Variants in DPYD observed in about 807,000 individuals in gnomAD.
DPYD encodes the protein dihydropyrimidine dehydrogenase.
A neutral mutation model predicts 116.2 loss-of-function variants in DPYD; 109 were observed. The observed-to-expected ratio is 0.94, with a 90% CI of 0.80 to 1.10. The LOEUF is 1.10. DPYD is among the 50% of genes least tolerant of loss of function. DPYD has a pLI of 0.00. For missense variants in DPYD, 1,302 were observed against 1,254.5 expected (o/e 1.04, Z -0.57); for synonymous variants, 440 against 432.0 (o/e 1.02, Z -0.23).
intron 12 of DPYD, chr1:97,546,256 C>CA (rs554980729): frequency 2.0e-4 from 287 of 1,439,640 alleles, no homozygotes; most frequent in Non-Finnish European, 2.1e-4. Flanking sequence ...ACTGCTAAAT[C>CA]AAAAAAAAAG....
chr1:97,439,401 T>C (rs2101754790), intron 14 of DPYD, among the ~76,000 whole-genome samples: 1 of 152,322 alleles, frequency 6.6e-6, no homozygotes, highest in African/African-American at 2.4e-5. Context: ...TGAAGTTTTA[T>C]TTTCTCTAAT....
Position 97,573,839 on chromosome 1 carries a change from A to T in DPYD, c.1260T>A (p.Asn420Lys), listed in dbSNP as rs200064537. The change falls in exon 11 of 23, where the codon AAT (asparagine) becomes AAA (lysine). Residue 420 changes from asparagine to lysine, a missense_variant. Asn to Lys is a moderately conservative substitution (Grantham distance 94). Transcript: ENST00000370192. ...RTEQDETGKW[N>K]EDEDQMVHLK... ...GATGGACCATCTGATCTTCATCTTC[A>T]TTCCATTTTCCAGTTTCATCTTGCT... 245 of 1,613,644 alleles carry T rather than the reference A, an allele frequency of 1.5e-4. 1 individual carries two copies. Among genetic ancestry groups the T allele is most frequent in the South Asian group, 2.2e-5 (2 of 91,062 alleles).
intron 10 of DPYD, among the ~76,000 whole-genome samples, chr1:97,581,054 TTTGGCC>T (rs996359047): frequency 1.6e-4 from 24 of 152,058 alleles, no homozygotes; most frequent in African/African-American, 5.5e-4. Flanking sequence ...CTGATTAAAA[TTTGGCC>T]TTTGGGAGGC....
chr1:97,742,893 A>C (rs1424091946), intron 3 of DPYD, among the ~76,000 whole-genome samples: 1 of 152,136 alleles, frequency 6.6e-6, no homozygotes, highest in Non-Finnish European at 1.5e-5. Context: ...ACACACACAT[A>C]TATGGCACAT....
At chr1:97,423,972 T>G (rs1674728026) in intron 14 of DPYD, among the ~76,000 whole-genome samples, 2 of 152,144 alleles carry the variant, frequency 1.3e-5, no homozygotes, top group African/African-American at 4.8e-5. Context: ...CTAGTCCTCC[T>G]GATTCTCAGA....
chr1:97,713,617 G>C (rs1234771445), intron 5 of DPYD, among the ~76,000 whole-genome samples: 1 of 152,012 alleles, frequency 6.6e-6, no homozygotes, highest in Non-Finnish European at 1.5e-5. Context: ...ATTAATCACT[G>C]CATTAAGAGT....
intron 6 of DPYD, among the ~76,000 whole-genome samples, chr1:97,693,204 T>C (rs1402718053): frequency 7.1e-6 from 1 of 140,406 alleles, no homozygotes; most frequent in Non-Finnish European, 1.5e-5. Context: ...GGCAGGAGAA[T>C]AGTGTGAACC....
intron 19 of DPYD, among the ~76,000 whole-genome samples, chr1:97,223,142 T>G (rs1660886801): frequency 6.6e-6 from 1 of 152,098 alleles, no homozygotes; most frequent in South Asian, 2.1e-4. Flanking sequence ...ATTACTTCTT[T>G]TTCTCTAATT....
chr1:97,705,288 C>A lies in DPYD; in HGVS notation c.484-5741G>T, dbSNP rs184098573. Among the ~76,000 whole-genome samples the A allele has an allele frequency of 6.1e-4, 93 of 152,192 alleles. No individual in the cohort carries two copies. In the East Asian group the frequency reaches 0.017, roughly 28 times the overall value. On this transcript the variant is annotated intron_variant, in intron 5 of 22. Transcript: ENST00000370192. ...CTAATGCTATCCCTCCCCGCTCCCC[C>A]CAACCAACAACAGTCCCCGGTGTGT...
chr1:97,257,120 A>G (rs1663532807), intron 18 of DPYD, among the ~76,000 whole-genome samples: 1 of 152,098 alleles, frequency 6.6e-6, no homozygotes, highest in Admixed American at 6.6e-5. Flanking sequence ...TTTTTTGATT[A>G]GAACATTTGG....
chr1:97,321,069 A>T (rs61787972), intron 16 of DPYD, among the ~76,000 whole-genome samples: 21,417 of 97,392 alleles, frequency 0.22, 2,624 homozygotes, highest in Non-Finnish European at 0.27. Flanking sequence ...CTTACACCTT[A>T]TACAAAAATC....
chr1:97,479,357 T>C (rs76675716), intron 13 of DPYD, among the ~76,000 whole-genome samples: 2 of 152,298 alleles, frequency 1.3e-5, no homozygotes, highest in African/African-American at 2.4e-5. Context: ...AATTTCTATG[T>C]TGTTATGTCT....
At chr1:97,849,060 AT>A (rs1670450092) in intron 2 of DPYD, among the ~76,000 whole-genome samples, 2 of 152,196 alleles carry the variant, frequency 1.3e-5, no homozygotes, top group African/African-American at 4.8e-5. Context: ...AAAGCCCTGT[AT>A]AAAAATTTAA....
At chr1:97,689,586 A>G (rs1450444516) in intron 7 of DPYD, among the ~76,000 whole-genome samples, 1 of 152,090 alleles carries the variant, frequency 6.6e-6, no homozygotes, top group Non-Finnish European at 1.5e-5. Flanking sequence ...GCTACACGGG[A>G]GTCAAACAGT....
intron 4 of DPYD, among the ~76,000 whole-genome samples, chr1:97,738,693 T>A (rs974945947): frequency 1.6e-5 from 2 of 124,250 alleles, no homozygotes; most frequent in African/African-American, 6.3e-5. Context: ...TTAGGAGAGT[T>A]TTTTTTTTTT....
At chr1:97,135,294 A>T (rs773714497) in intron 20 of DPYD, among the ~76,000 whole-genome samples, 43 of 152,158 alleles carry the variant, frequency 2.8e-4, no homozygotes, top group Non-Finnish European at 4.6e-4. Flanking sequence ...TTAAATATGG[A>T]TCCATGTAAC....
At chr1:97,695,198 G>C (rs1469907235) in intron 6 of DPYD, among the ~76,000 whole-genome samples, 1 of 151,782 alleles carries the variant, frequency 6.6e-6, no homozygotes, top group Non-Finnish European at 1.5e-5. Context: ...ATGATCACAT[G>C]GAATTTTTGT....
intron 18 of DPYD, among the ~76,000 whole-genome samples, chr1:97,249,990 G>A (rs560143608): frequency 5.9e-5 from 9 of 152,196 alleles, no homozygotes; most frequent in Admixed American, 1.3e-4. Context: ...GATAAATCAC[G>A]GCCAGGCATG....
intron 11 of DPYD, among the ~76,000 whole-genome samples, chr1:97,569,112 G>T (rs1230691546): frequency 1.3e-5 from 2 of 151,962 alleles, no homozygotes; most frequent in Admixed American, 6.6e-5. Flanking sequence ...AGGAATGTGA[G>T]GACACAGGCA....
Sources: allele counts gnomAD v4.1 joint callset (sites outside exome capture counted in the v4.1 genomes callset), GRCh38; gene constraint gnomAD v4.1.1; transcripts MANE v1.5; gene names NCBI Gene and HGNC (gene_info 2026-07-23, HGNC 2026-07-21).